TCEA1: variants seen among roughly 807,000 people sequenced by gnomAD.
TCEA1 encodes the protein transcription elongation factor A protein 1.
A neutral mutation model predicts 43.8 loss-of-function variants in TCEA1; 21 were observed. That is an observed-to-expected ratio of 0.48 (90% CI 0.34 to 0.69). The LOEUF (loss-of-function observed/expected upper bound fraction) is 0.69. Among genes scored for constraint, TCEA1 ranks in the 30% least tolerant of loss-of-function variants. The probability of loss-of-function intolerance (pLI) is 0.01; values close to 1 mark genes in which losing one functional copy is unlikely to be tolerated. For missense variants in TCEA1, 250 were observed against 365.1 expected, an observed-to-expected ratio of 0.68 and a Z score of 2.57; for synonymous variants, 104 against 117.5, an observed-to-expected ratio of 0.88 and a Z score of 0.75.
rs200656540 is a variant in TCEA1 at position 54,010,445 on chromosome 8, G to A, written c.111C>T (p.Thr37=). ...AAGCACATACCTGCAGTAATTCCAG[G>A]GTCATAGGAATATTCTTAAGCTCCT... is the stretch of plus-strand genomic sequence containing the variant. ...LLKELKNIPM[T]LELLQSTRIG... The change falls in exon 2 of 10, where the codon ACC becomes ACT. Residue 37 remains threonine, a synonymous_variant. Coordinates refer to ENST00000521604, the MANE Select transcript of TCEA1 (RefSeq NM_006756.4). 1,490 of 1,605,062 alleles carry A rather than the reference G, an allele frequency of 9.3e-4. 14 individuals are homozygous for A. The African/African-American group carries it at 0.018, about 20-fold the overall frequency.
chr8:53,988,640 G>A (rs762882354), intron 4 of TCEA1, among the ~76,000 whole-genome samples: 1 of 152,030 alleles, frequency 6.6e-6, no homozygotes, highest in Non-Finnish European at 1.5e-5. Flanking sequence ...TTTTTGAGAC[G>A]GAGTCTTGCT....
Position 53,988,133 on chromosome 8 carries a change from A to G in TCEA1, c.447T>C (p.Ala149=). The G allele has an allele frequency of 1.9e-6, 3 of 1,611,868 alleles. No homozygotes were observed. The highest frequency in any genetic ancestry group is 2.5e-6 in the Non-Finnish European group (3 of 1,179,514). Residue 149 remains alanine (A), a synonymous_variant, in exon 5 of 10, where the codon GCT becomes GCC. Transcript: ENST00000521604. ...SVRLKCREML[A]AALRTGDDYI... ...ACTTACCCCCTGTTCGAAGAGCTGCAGCAAGCATCTCCCTACACTTCAACC... is the reference window on the plus strand; with the variant it reads ...ACTTACCCCCTGTTCGAAGAGCTGCGGCAAGCATCTCCCTACACTTCAACC...
At chr8:54,005,278 C>T (rs564848256) in intron 2 of TCEA1, among the ~76,000 whole-genome samples, 142 of 152,278 alleles carry the variant, frequency 9.3e-4, no homozygotes, top group African/African-American at 3.3e-3. Context: ...ATTTAGAATT[C>T]CGTTCCTTAG....
At chr8:53,981,134 G>T (rs545048007) in intron 7 of TCEA1, among the ~76,000 whole-genome samples, 90 of 152,296 alleles carry the variant, frequency 5.9e-4, no homozygotes, top group Non-Finnish European at 2.5e-4. Context: ...GGTTCATGAG[G>T]TTTAAGGAAA....
chr8:53,986,964 G>T lies in TCEA1; in HGVS notation c.523+5C>A. The T allele has an allele frequency of 6.3e-7, 1 of 1,585,156 alleles. No individual in the cohort carries two copies. Among genetic ancestry groups the T allele is most frequent in the Non-Finnish European group, 8.6e-7 (1 of 1,166,118 alleles). On this transcript the variant is annotated splice_donor_5th_base_variant and intron_variant, in intron 6 of 9. Coordinates refer to ENST00000521604, the MANE Select transcript of TCEA1 (RefSeq NM_006756.4). ...AACAATTATGAATATACACACAAAG[G>T]ATATCTTCTTCAATTTGAGATCCTA...
At chr8:53,981,927 CTTT>C (rs35034211) in intron 7 of TCEA1, among the ~76,000 whole-genome samples, 6 of 128,158 alleles carry the variant, frequency 4.7e-5, no homozygotes, top group African/African-American at 8.4e-5. Flanking sequence ...GCTAAGTTTT[CTTT>C]TTTTTTTTTT....
intron 2 of TCEA1, among the ~76,000 whole-genome samples, chr8:54,001,867 G>T (rs1804275248): frequency 6.6e-6 from 1 of 151,948 alleles, no homozygotes; most frequent in Non-Finnish European, 1.5e-5. Flanking sequence ...AGAAATGAGG[G>T]GCACGGTGGC....
chr8:54,010,729 A>C (rs1186787673), intron 1 of TCEA1, among the ~76,000 whole-genome samples: 1 of 152,244 alleles, frequency 6.6e-6, no homozygotes, highest in Non-Finnish European at 1.5e-5. Context: ...ATGTTTACTT[A>C]ATGTACTATA....
intron 8 of TCEA1, among the ~76,000 whole-genome samples, chr8:53,978,008 C>T (rs1440187569): frequency 6.6e-6 from 1 of 152,068 alleles, no homozygotes; most frequent in African/African-American, 2.4e-5. Flanking sequence ...TTTATTAATT[C>T]TTATATTTTA....
chr8:54,015,826 A>G (rs896532348), intron 1 of TCEA1, among the ~76,000 whole-genome samples: 3 of 152,220 alleles, frequency 2.0e-5, no homozygotes, highest in Non-Finnish European at 4.4e-5. Flanking sequence ...CCTGGGCAAC[A>G]TAGCCAGACC....
intron 2 of TCEA1, among the ~76,000 whole-genome samples, chr8:54,004,171 G>A (rs1024041358): frequency 1.3e-4 from 20 of 152,128 alleles, no homozygotes; most frequent in Non-Finnish European, 1.9e-4. Context: ...TGGACCCCTC[G>A]TTTACTGCTA....
rs535927680 is a variant in TCEA1 at position 53,980,455 on chromosome 8, T to G, written c.679-1284A>C. 6.6e-5 allele frequency among the ~76,000 whole-genome samples: 10 copies of G among 152,390 alleles called. 1 individual carries two copies. Among genetic ancestry groups the G allele is most frequent in the African/African-American group, 1.9e-4 (8 of 41,590 alleles). On this transcript the variant is annotated intron_variant, in intron 7 of 9. Transcript: ENST00000521604. The stretch of plus-strand genomic sequence containing the variant: ...TATTGGCGCTATTTTTCCAAAAGCA[T>G]GTGCTCATTTCATGTCTCTGTGTCA...
intron 2 of TCEA1, among the ~76,000 whole-genome samples, chr8:54,002,180 GA>G (rs944432912): frequency 6.9e-6 from 1 of 144,960 alleles, no homozygotes; most frequent in South Asian, 2.2e-4. Flanking sequence ...TCTCCAAAAA[GA>G]AAAAAAAAGG....
At chr8:53,975,486 AACCCAAGTG>A (rs1421358581) in intron 8 of TCEA1, among the ~76,000 whole-genome samples, 40 of 152,336 alleles carry the variant, frequency 2.6e-4, no homozygotes, top group African/African-American at 9.1e-4. Context: ...AAGTAGAAGG[AACCCAAGTG>A]TCCATCAACA....
intron 6 of TCEA1, among the ~76,000 whole-genome samples, chr8:53,985,106 C>T (rs1021900090): frequency 2.0e-5 from 3 of 151,960 alleles, no homozygotes; most frequent in African/African-American, 4.8e-5. Flanking sequence ...CTCCACCTCC[C>T]GGGTTCAAGC....
chr8:53,983,936 C>T (rs527325460), intron 7 of TCEA1, among the ~76,000 whole-genome samples: 1 of 152,010 alleles, frequency 6.6e-6, no homozygotes, highest in African/African-American at 2.4e-5. Context: ...CCTGTCTCTA[C>T]TAAAAATACA....
chr8:54,000,591 C>T (rs1350265586), intron 2 of TCEA1, among the ~76,000 whole-genome samples: 11 of 152,100 alleles, frequency 7.2e-5, no homozygotes. Context: ...TAAAATTTAA[C>T]CTGTGATAAT....
intron 7 of TCEA1, among the ~76,000 whole-genome samples, chr8:53,980,972 G>A (rs968254363): frequency 8.5e-5 from 13 of 152,124 alleles, no homozygotes; most frequent in African/African-American, 3.1e-4. Context: ...CCTTATTGCC[G>A]ATATGAAAAC....
chr8:53,997,765 G>A (rs537349933), intron 3 of TCEA1, among the ~76,000 whole-genome samples: 1 of 152,296 alleles, frequency 6.6e-6, no homozygotes, highest in African/African-American at 2.4e-5. Context: ...GGAGGGCAGT[G>A]GCGGATGCTT....
Sources: gnomAD v4.1 joint callset for allele counts (sites outside exome capture counted in the v4.1 genomes callset) on GRCh38, gnomAD v4.1.1 for gene constraint, MANE v1.5 for transcripts, NCBI Gene and HGNC (gene_info 2026-07-23, HGNC 2026-07-21) for gene names.